The following HLCS variants were observed in gnomAD, a reference collection of about 807,000 sequenced individuals.
The protein encoded by HLCS is holocarboxylase synthetase, also known as biotin--protein ligase.
In HLCS, 53 loss-of-function variants were observed where a neutral mutation model predicts 75.0. The ratio of observed to expected loss-of-function variants is 0.71; its 90% CI spans 0.57 to 0.89. The LOEUF (loss-of-function observed/expected upper bound fraction) is 0.89. HLCS is among the 40% of genes least tolerant of loss of function. The pLI, the probability that HLCS is intolerant of heterozygous loss-of-function variation, is 0.00. For missense variants in HLCS, 966 were observed against 1,074.0 expected (o/e 0.90, Z 1.41); for synonymous variants, 431 against 428.6 (o/e 1.01, Z -0.07).
intron 6 of HLCS, among the ~76,000 whole-genome samples, chr21:36,819,279 C>A (rs572453886): frequency 6.6e-6 from 1 of 152,188 alleles, no homozygotes; most frequent in African/African-American, 2.4e-5. Context: ...ACATCAGGTC[C>A]AGCAGAAGGG....
rs73389372 is a variant in HLCS at position 36,909,920 on chromosome 21, C to G, written c.1621-12789G>C. On this transcript the variant is annotated intron_variant, in intron 5 of 10. Transcript: ENST00000674895. The stretch of plus-strand genomic sequence containing the variant: ...CTTAACCCATAAAGGTTTTCTATCT[C>G]AGAGACACATTTGCCTCATTGCAAA... Among the ~76,000 whole-genome samples, 1,038 of 152,336 alleles carry G rather than the reference C, an allele frequency of 6.8e-3. 10 individuals are homozygous for G. Among genetic ancestry groups the G allele is most frequent in the African/African-American group, 0.024 (987 of 41,574 alleles).
At chr21:36,783,693 A>G (rs2060600358) in intron 6 of HLCS, among the ~76,000 whole-genome samples, 1 of 152,192 alleles carries the variant, frequency 6.6e-6, no homozygotes, top group South Asian at 2.1e-4. Context: ...GTCTCCCTAC[A>G]GTGGCTTCAT....
At chr21:36,863,634 C>T (rs921110650) in intron 6 of HLCS, among the ~76,000 whole-genome samples, 18 of 152,270 alleles carry the variant, frequency 1.2e-4, no homozygotes, top group African/African-American at 4.1e-4. Flanking sequence ...ACTTAAAGAC[C>T]TCACTGCAGC....
intron 6 of HLCS, among the ~76,000 whole-genome samples, chr21:36,831,709 GT>G (rs1247876741): frequency 1.3e-5 from 2 of 152,078 alleles, no homozygotes; most frequent in Non-Finnish European, 2.9e-5. Context: ...TCAAAATAAA[GT>G]TATTGTATCA....
intron 6 of HLCS, among the ~76,000 whole-genome samples, chr21:36,884,179 G>T (rs1463680538): frequency 6.6e-6 from 1 of 152,288 alleles, no homozygotes; most frequent in East Asian, 1.9e-4. Flanking sequence ...CCAGATAAAA[G>T]AATCTGGCTG....
intron 10 of HLCS, among the ~76,000 whole-genome samples, chr21:36,756,240 C>A (rs1021667517): frequency 1.5e-4 from 22 of 150,026 alleles, no homozygotes; most frequent in Admixed American, 1.4e-3. Context: ...AGATCGAGAC[C>A]ATCCTGGCTA....
At chr21:36,800,366 T>C (rs1569027814) in intron 6 of HLCS, among the ~76,000 whole-genome samples, 1 of 152,112 alleles carries the variant, frequency 6.6e-6, no homozygotes, top group Non-Finnish European at 1.5e-5. Flanking sequence ...CAGCAGTCAT[T>C]TGAACAATCA....
intron 6 of HLCS, among the ~76,000 whole-genome samples, chr21:36,787,347 T>G (rs1298449819): frequency 1.3e-5 from 2 of 152,124 alleles, no homozygotes; most frequent in Admixed American, 1.3e-4. Flanking sequence ...GGCTGCTGGT[T>G]CAAGGACTCC....
At chr21:36,817,831 A>C (rs1166110148) in intron 6 of HLCS, among the ~76,000 whole-genome samples, 2 of 152,234 alleles carry the variant, frequency 1.3e-5, no homozygotes, top group Non-Finnish European at 2.9e-5. Context: ...AGCTAAACTT[A>C]ATTAGTCCAA....
chr21:36,966,291 C>T (rs1182277644), intron 1 of HLCS, among the ~76,000 whole-genome samples, 153 bp downstream of exon 1: 1 of 152,140 alleles, frequency 6.6e-6, no homozygotes, highest in Admixed American at 6.5e-5. Context: ...CTCTGGGCCC[C>T]GGGGCAACAG....
intron 6 of HLCS, among the ~76,000 whole-genome samples, chr21:36,823,217 G>GCA: frequency 6.6e-6 from 1 of 152,272 alleles, no homozygotes; most frequent in Non-Finnish European, 1.5e-5. Context: ...GGATAATGAT[G>GCA]CACAATGCCT....
intron 5 of HLCS, among the ~76,000 whole-genome samples, chr21:36,902,884 G>A (rs2065296419): frequency 6.6e-6 from 1 of 152,202 alleles, no homozygotes; most frequent in Non-Finnish European, 1.5e-5. Context: ...TGTGGGCTTA[G>A]CAGAGAGGAG....
intron 6 of HLCS, among the ~76,000 whole-genome samples, chr21:36,849,983 A>G (rs1217334066): frequency 1.3e-5 from 2 of 152,102 alleles, no homozygotes; most frequent in African/African-American, 4.8e-5. Flanking sequence ...CTCATGGTTT[A>G]TACTTGATTT....
At chr21:36,855,912 C>T (rs1010916338) in intron 6 of HLCS, among the ~76,000 whole-genome samples, 7 of 152,112 alleles carry the variant, frequency 4.6e-5, no homozygotes, top group Admixed American at 4.6e-4. Context: ...TATGGACATG[C>T]TACAACATGG....
intron 6 of HLCS, among the ~76,000 whole-genome samples, chr21:36,776,893 CATA>C (rs1273839877): frequency 3.3e-5 from 5 of 152,258 alleles, no homozygotes; most frequent in Non-Finnish European, 7.3e-5. Context: ...TTGAATTTTA[CATA>C]ATGTTTGTGT....
intron 2 of HLCS, among the ~76,000 whole-genome samples, chr21:36,958,071 C>CA (rs1419940738): frequency 1.3e-5 from 1 of 76,734 alleles, no homozygotes; most frequent in Non-Finnish European, 2.6e-5. Flanking sequence ...ACTAAAAATA[C>CA]AATAAATAAA....
chr21:36,831,761 T>G (rs978057829), intron 6 of HLCS, among the ~76,000 whole-genome samples: 3 of 152,274 alleles, frequency 2.0e-5, no homozygotes, highest in East Asian at 3.9e-4. Flanking sequence ...TCTATTTAGG[T>G]ATGGAGTGGT....
intron 6 of HLCS, among the ~76,000 whole-genome samples, chr21:36,801,934 T>C (rs1444511331): frequency 6.6e-6 from 1 of 152,190 alleles, no homozygotes; most frequent in Non-Finnish European, 1.5e-5. Flanking sequence ...GCATTCAGCA[T>C]TGATCTTATT....
intron 6 of HLCS, among the ~76,000 whole-genome samples, chr21:36,827,065 G>A (rs2062030494): frequency 6.6e-6 from 1 of 152,120 alleles, no homozygotes; most frequent in African/African-American, 2.4e-5. Context: ...ACAGGATAAT[G>A]GCATGCTTAA....
Sources: gnomAD v4.1 joint callset for allele counts (sites outside exome capture counted in the v4.1 genomes callset) on GRCh38, gnomAD v4.1.1 for gene constraint, MANE v1.5 for transcripts, NCBI Gene and HGNC (gene_info 2026-07-23, HGNC 2026-07-21) for gene names.